AP1S2: variants seen among roughly 807,000 people sequenced by gnomAD.
The protein encoded by AP1S2 is adaptor related protein complex 1 subunit sigma 2.
In AP1S2, 1 loss-of-function variant was observed where a neutral mutation model predicts 14.3. The observed-to-expected ratio is 0.07, with a 90% CI of 0.02 to 0.33. The LOEUF is 0.33. AP1S2 is among the 10% of genes least tolerant of loss of function. AP1S2 has a pLI of 0.99. For synonymous variants in AP1S2, 30 were observed against 40.5 expected (o/e 0.74, Z 0.99); for missense variants, 30 against 117.7 (o/e 0.25, Z 3.45).
chrX:15,851,658 A>T (rs1013515282), intron 2 of AP1S2, among the ~76,000 whole-genome samples: 1 of 112,366 alleles, frequency 8.9e-6, no homozygotes, highest in Non-Finnish European at 1.9e-5. Flanking sequence ...TTATAAAATA[A>T]AGACGTATAG....
intron 4 of AP1S2, among the ~76,000 whole-genome samples, chrX:15,828,581 A>G (rs766844537): frequency 9.0e-6 from 1 of 111,526 alleles, no homozygotes; most frequent in African/African-American, 3.3e-5. Flanking sequence ...AGCTTTAGCG[A>G]AAAAAGGTAT....
At chrX:15,837,387 A>C (rs1192208480) in intron 4 of AP1S2, among the ~76,000 whole-genome samples, 1 of 111,310 alleles carries the variant, frequency 9.0e-6, no homozygotes, top group Non-Finnish European at 1.9e-5. Flanking sequence ...CAGAAAATTC[A>C]AAGGTGTTCT....
chrX:15,830,187 CACAA>C lies in AP1S2; in HGVS notation c.427-1991_427-1988del, dbSNP rs757157931. 28 of 750,201 alleles carry C rather than the reference CACAA, an allele frequency of 3.7e-5. 1 individual carries two copies. The South Asian group carries it at 1.8e-3, about 49-fold the overall frequency. 61.8% of individuals were successfully genotyped at this position (750,201 alleles called of 1,213,427 possible). The stretch of plus-strand genomic sequence containing the variant: ...TTACAGCTTAGCACAAGGCATCCAA[CACAA>C]ACAGGCATGAGACAATGCATATTTA... On this transcript the variant is annotated intron_variant, in intron 4 of 5. Coordinates refer to ENST00000672987, the MANE Select transcript of AP1S2 (RefSeq NM_001272071.2).
intron 4 of AP1S2, among the ~76,000 whole-genome samples, chrX:15,836,334 ATTTT>A (rs1436294940): frequency 8.9e-6 from 1 of 112,158 alleles, no homozygotes; most frequent in Admixed American, 9.5e-5. Context: ...GGTCTAGTTG[ATTTT>A]TAACTTTGCA....
intron 4 of AP1S2, among the ~76,000 whole-genome samples, chrX:15,829,175 A>C (rs1032805879): frequency 9.0e-6 from 1 of 111,412 alleles, no homozygotes; most frequent in Non-Finnish European, 1.9e-5. Flanking sequence ...TGAGTCTTGA[A>C]GTTTTCATGA....
Position 15,852,332 on chromosome X carries a change from A to C in AP1S2, c.179+14T>G. On this transcript the variant is annotated intron_variant, in intron 2 of 5. Coordinates refer to ENST00000672987, the MANE Select transcript of AP1S2 (RefSeq NM_001272071.2). ...TTGATTCTATTTCACCTTTCTGACAAACAAAAATTATACCTTTTGTAAACA... is the reference window on the plus strand; with the variant it reads ...TTGATTCTATTTCACCTTTCTGACACACAAAAATTATACCTTTTGTAAACA... 8.3e-7 allele frequency: 1 copy of C among 1,206,676 alleles called. No homozygotes were observed. The highest frequency in any genetic ancestry group is 1.1e-6 in the Non-Finnish European group (1 of 892,084).
rs1354492003 is a variant in AP1S2 at position 15,827,125 on chromosome X, A to AT, written c.*199dup. ...AGGTATCTCTTTCTGCACCATTCTA[A>AT]TTCATATTTAAGTCCCTTATCACTT... is the stretch of plus-strand genomic sequence containing the variant. On this transcript the variant is annotated 3_prime_UTR_variant, in exon 6 of 6. Coordinates refer to ENST00000672987, the MANE Select transcript of AP1S2 (RefSeq NM_001272071.2). 2.2e-6 allele frequency: 1 copy of AT among 449,444 alleles called. No individual in the cohort carries two copies. Among genetic ancestry groups the AT allele is most frequent in the Non-Finnish European group, 3.9e-6 (1 of 254,155 alleles). 37.0% of individuals were successfully genotyped at this position (449,444 alleles called of 1,213,427 possible). A position where few individuals can be genotyped will look rare whatever the true frequency, so the allele number is the denominator to read the frequency against.
chrX:15,851,514 C>G (rs763014265), intron 2 of AP1S2, among the ~76,000 whole-genome samples: 1 of 111,884 alleles, frequency 8.9e-6, no homozygotes, highest in Non-Finnish European at 1.9e-5. Context: ...GCAAATTATT[C>G]AAAAAGAAAC....
chrX:15,834,406 T>C (rs1283884906), intron 4 of AP1S2, among the ~76,000 whole-genome samples: 1 of 86,254 alleles, frequency 1.2e-5, no homozygotes, highest in Non-Finnish European at 2.2e-5. Context: ...CCGAGACCAA[T>C]GTTTTTGATT....
chrX:15,835,747 C>G (rs1056221091), intron 4 of AP1S2, among the ~76,000 whole-genome samples: 1 of 110,944 alleles, frequency 9.0e-6, no homozygotes, highest in African/African-American at 3.3e-5. Context: ...CCATCTGGAG[C>G]AACACGATGT....
At position 15,844,544 on chromosome X, in the gene AP1S2, T is replaced by G. The variant is rs112067919; in HGVS notation, c.426+835A>C. On this transcript the variant is annotated intron_variant, in intron 4 of 5. Coordinates refer to ENST00000672987, the MANE Select transcript of AP1S2 (RefSeq NM_001272071.2). ...TTCAATATTTACTAATCACTTCTCA[T>G]GCTGTAAGCTTTCCATATGATAAAA... 7.7e-3 allele frequency among the ~76,000 whole-genome samples: 868 copies of G among 112,949 alleles called. 5 individuals carry two copies. The highest frequency in any genetic ancestry group is 0.023 in the Middle Eastern group (5 of 219).
At chrX:15,841,635 ATAT>A (rs1933836351) in intron 4 of AP1S2, among the ~76,000 whole-genome samples, 1 of 112,036 alleles carries the variant, frequency 8.9e-6, no homozygotes, top group East Asian at 2.8e-4. Context: ...AGGTTGAAAA[ATAT>A]TATTTATATC....
chrX:15,833,535 CA>C, intron 4 of AP1S2: 1 of 821,486 alleles, frequency 1.2e-6, no homozygotes, highest in Non-Finnish European at 1.5e-6. Context: ...CTAAAATGCA[CA>C]AAAATAAATG....
intron 4 of AP1S2, among the ~76,000 whole-genome samples, chrX:15,829,480 C>T (rs746585291): frequency 5.4e-5 from 6 of 111,714 alleles, no homozygotes; most frequent in Non-Finnish European, 1.1e-4. Flanking sequence ...GCTGGTCAGA[C>T]TTTTCCCCAT....
chrX:15,833,373 A>C, intron 4 of AP1S2: 1 of 848,708 alleles, frequency 1.2e-6, no homozygotes, highest in South Asian at 3.6e-5. Flanking sequence ...AGGAAAGAAA[A>C]GGGTTGATGA....
At chrX:15,851,863 T>C (rs762747425) in intron 2 of AP1S2, among the ~76,000 whole-genome samples, 3 of 112,345 alleles carry the variant, frequency 2.7e-5, no homozygotes, top group South Asian at 3.6e-4. Flanking sequence ...AAAACATCTA[T>C]GTGATTGAAA....
In AP1S2 at chrX:15,840,351, G is replaced by A. The variant is rs762372007; in HGVS notation, c.426+5028C>T. On this transcript the variant is annotated intron_variant, in intron 4 of 5. Transcript: ENST00000672987. Reference sequence around the variant, plus strand: ...TAATCAACACCATCATGCATCAACCGCTAAGGGTTAAAGCCCAAATGCCCA... The same window carrying A: ...TAATCAACACCATCATGCATCAACCACTAAGGGTTAAAGCCCAAATGCCCA... 6 of 210,031 alleles carry A rather than the reference G, an allele frequency of 2.9e-5. No homozygotes were observed. In the East Asian group the frequency reaches 6.1e-4, roughly 21 times the overall value. 17.3% of individuals were successfully genotyped at this position (210,031 alleles called of 1,213,427 possible).
At chrX:15,842,380 T>C (rs934224433) in intron 4 of AP1S2, among the ~76,000 whole-genome samples, 4 of 111,955 alleles carry the variant, frequency 3.6e-5, no homozygotes, top group African/African-American at 1.3e-4. Flanking sequence ...CACACAGACT[T>C]GAGCTTGGCT....
At chrX:15,846,155 C>T (rs1317383310) in intron 2 of AP1S2, 144 bp from the exon 3 acceptor site, 2 of 477,371 alleles carry the variant, frequency 4.2e-6, no homozygotes, top group African/African-American at 4.9e-5. Flanking sequence ...TCATAGACTA[C>T]AAAAGTAATA....
Sources: gnomAD v4.1 joint callset for allele counts (sites outside exome capture counted in the v4.1 genomes callset) on GRCh38, gnomAD v4.1.1 for gene constraint, MANE v1.5 for transcripts, NCBI Gene and HGNC (gene_info 2026-07-23, HGNC 2026-07-21) for gene names.